Variants in USP15 observed in about 807,000 individuals in gnomAD.
The protein encoded by USP15 is ubiquitin carboxyl-terminal hydrolase 15.
A neutral mutation model predicts 127.1 loss-of-function variants in USP15; 18 were observed. The ratio of observed to expected loss-of-function variants is 0.14; its 90% CI spans 0.10 to 0.21. USP15 has a LOEUF of 0.21. Among genes scored for constraint, USP15 ranks in the 10% least tolerant of loss-of-function variants. The probability of loss-of-function intolerance (pLI) is 1.00; values close to 1 mark genes in which losing one functional copy is unlikely to be tolerated. For synonymous variants in USP15, 364 were observed against 393.7 expected, an observed-to-expected ratio of 0.92 and a Z score of 0.89; for missense variants, 805 against 1,159.9, an observed-to-expected ratio of 0.69 and a Z score of 4.44.
At chr12:62,371,362 G>A (rs1376627749) in intron 8 of USP15, among the ~76,000 whole-genome samples, 1 of 152,106 alleles carries the variant, frequency 6.6e-6, no homozygotes, top group Non-Finnish European at 1.5e-5. Context: ...TGAAAGCAGA[G>A]GCTATCTTTG....
At position 62,307,732 on chromosome 12, in the gene USP15, A is replaced by T. The variant is rs148895698; in HGVS notation, c.348+4812A>T. On this transcript the variant is annotated intron_variant, in intron 3 of 21. Transcript: ENST00000280377. ...CATGTCCTCCCCATGGACACTATAC[A>T]CTACCTTCCCGTTTGTCACTTAGTA... is the stretch of plus-strand genomic sequence containing the variant. Among the ~76,000 whole-genome samples the T allele has an allele frequency of 1.9e-3, 288 of 152,230 alleles. 3 individuals are homozygous for T. The highest frequency in any genetic ancestry group is 6.6e-3 in the African/African-American group (276 of 41,536).
At chr12:62,366,027 G>T (rs2066465295) in intron 8 of USP15, among the ~76,000 whole-genome samples, 1 of 152,162 alleles carries the variant, frequency 6.6e-6, no homozygotes, top group Admixed American at 6.5e-5. Flanking sequence ...GATTGTCTTG[G>T]CTATGCCGGC....
In USP15 at chr12:62,335,228, G is replaced by A; in HGVS notation, c.683+9295G>A. The A allele has an allele frequency of 2.0e-6, 3 of 1,535,262 alleles. No homozygotes were observed. The South Asian group carries it at 3.6e-5, about 18-fold the overall frequency. The stretch of plus-strand genomic sequence containing the variant: ...TTTCCACATACGTCACAGAAAGAGA[G>A]CTAAAGGGCTCTGGTTATCATCCAC... On this transcript the variant is annotated intron_variant, in intron 6 of 21. Coordinates refer to ENST00000280377, the MANE Select transcript of USP15 (RefSeq NM_001252078.2).
chr12:62,263,243 G>A lies in USP15; in HGVS notation c.89+2740G>A, dbSNP rs1460291682. ...GAAATTTGCCCTGTGGAATATTGTCGTGGCATATGTATGTAACTGTCTAGG... is the reference window on the plus strand; with the variant it reads ...GAAATTTGCCCTGTGGAATATTGTCATGGCATATGTATGTAACTGTCTAGG... On this transcript the variant is annotated intron_variant, in intron 1 of 21. Transcript: ENST00000280377. 5.3e-5 allele frequency among the ~76,000 whole-genome samples: 8 copies of A among 152,022 alleles called. No homozygotes were observed. In the South Asian group the frequency reaches 8.3e-4, roughly 16 times the overall value.
At chr12:62,396,135 T>A (rs1170252227) in intron 19 of USP15, 160 bp from the exon 20 acceptor site, 1 of 313,718 alleles carries the variant, frequency 3.2e-6, no homozygotes, top group Non-Finnish European at 5.7e-6. Flanking sequence ...ATTTGACTCA[T>A]GATAATTTCC....
At chr12:62,307,262 A>C (rs930138920) in intron 3 of USP15, among the ~76,000 whole-genome samples, 2 of 152,188 alleles carry the variant, frequency 1.3e-5, no homozygotes, top group African/African-American at 4.8e-5. Flanking sequence ...AACTTCAAGC[A>C]TGTGCTAATG....
At chr12:62,349,582 C>T (rs1479957823) in intron 7 of USP15, among the ~76,000 whole-genome samples, 1 of 151,906 alleles carries the variant, frequency 6.6e-6, no homozygotes, top group Non-Finnish European at 1.5e-5. Context: ...TAGAACACAA[C>T]TTTTTAGGAA....
At chr12:62,397,750 G>A (rs2067540395) in intron 20 of USP15, among the ~76,000 whole-genome samples, 2 of 150,948 alleles carry the variant, frequency 1.3e-5, no homozygotes, top group South Asian at 4.2e-4. Context: ...CCAGCCACTC[G>A]GGAGGCTGAG....
At chr12:62,318,980 C>T (rs142639009) in intron 4 of USP15, among the ~76,000 whole-genome samples, 93 of 152,088 alleles carry the variant, frequency 6.1e-4, no homozygotes, top group African/African-American at 2.2e-3. Context: ...AACCTAGTTT[C>T]CCACCTTTGA....
chr12:62,268,487 A>G lies in USP15; in HGVS notation c.89+7984A>G, dbSNP rs780304266. Among the ~76,000 whole-genome samples the G allele has an allele frequency of 3.3e-5, 5 of 152,122 alleles. No individual in the cohort carries two copies. In the East Asian group the frequency reaches 9.6e-4, roughly 29 times the overall value. On this transcript the variant is annotated intron_variant, in intron 1 of 21. Coordinates refer to ENST00000280377, the MANE Select transcript of USP15 (RefSeq NM_001252078.2). Reference sequence around the variant, plus strand: ...GTGAGTCTTCTTGTTTTAGCCTTGTAGTCTCAGCAGTCTCATTTCTAATTA... The same window carrying G: ...GTGAGTCTTCTTGTTTTAGCCTTGTGGTCTCAGCAGTCTCATTTCTAATTA...
At chr12:62,361,274 G>A (rs909884413) in intron 8 of USP15, among the ~76,000 whole-genome samples, 3 of 152,050 alleles carry the variant, frequency 2.0e-5, no homozygotes, top group African/African-American at 7.2e-5. Context: ...CTCAGATGGA[G>A]ACATGAGATT....
At chr12:62,397,304 A>G (rs1341647096) in intron 20 of USP15, among the ~76,000 whole-genome samples, 1 of 152,196 alleles carries the variant, frequency 6.6e-6, no homozygotes, top group African/African-American at 2.4e-5. Flanking sequence ...CTAGTACAAT[A>G]TAGGAATTAA....
intron 3 of USP15, 194 bp downstream of exon 3, chr12:62,303,114 T>A: frequency 1.9e-6 from 1 of 514,154 alleles, no homozygotes; most frequent in Non-Finnish European, 3.4e-6. Flanking sequence ...ATTGTAAGTA[T>A]GTATTATTGA....
intron 3 of USP15, chr12:62,304,841 A>T: frequency 3.5e-6 from 1 of 286,710 alleles, no homozygotes; most frequent in East Asian, 8.4e-5. Context: ...AAAAAAAAAA[A>T]AAAAGGCAGA....
At chr12:62,329,960 G>C (rs1020478803) in intron 6 of USP15, among the ~76,000 whole-genome samples, 5 of 152,186 alleles carry the variant, frequency 3.3e-5, no homozygotes, top group Admixed American at 1.3e-4. Flanking sequence ...TAGCTGCATA[G>C]TTTGTAGTAG....
chr12:62,291,854 G>A (rs1009367362), intron 1 of USP15, among the ~76,000 whole-genome samples: 8 of 152,204 alleles, frequency 5.3e-5, no homozygotes, highest in African/African-American at 1.9e-4. Context: ...ACAGCCTCCT[G>A]TAAGTCAGGG....
rs915804361 is a variant in USP15 at position 62,359,226 on chromosome 12, A to G, written c.915+3751A>G. ...GACTCTGAGGAACAGTTTGAAAGCCAAAGTCTGGCTTGAAAAAAAAAAAAA... is the reference window on the plus strand; with the variant it reads ...GACTCTGAGGAACAGTTTGAAAGCCGAAGTCTGGCTTGAAAAAAAAAAAAA... On this transcript the variant is annotated intron_variant, in intron 8 of 21. Coordinates refer to ENST00000280377, the MANE Select transcript of USP15 (RefSeq NM_001252078.2). Among the ~76,000 whole-genome samples the G allele has an allele frequency of 1.2e-3, 178 of 151,036 alleles. 5 individuals carry two copies. The highest frequency in any genetic ancestry group is 4.0e-4 in the Non-Finnish European group (27 of 67,784).
intron 1 of USP15, among the ~76,000 whole-genome samples, chr12:62,266,070 A>G (rs1012441386): frequency 6.6e-6 from 1 of 152,226 alleles, no homozygotes; most frequent in Non-Finnish European, 1.5e-5. Context: ...TGATAGGTGA[A>G]TAATTGAATG....
At chr12:62,394,663 C>G (rs1223606471) in intron 19 of USP15, among the ~76,000 whole-genome samples, 1 of 152,022 alleles carries the variant, frequency 6.6e-6, no homozygotes, top group South Asian at 2.1e-4. Context: ...TCCTAGCCAA[C>G]GTGGTGAAAC....
Sources: allele counts gnomAD v4.1 joint callset (sites outside exome capture counted in the v4.1 genomes callset), GRCh38; gene constraint gnomAD v4.1.1; transcripts MANE v1.5; gene names NCBI Gene and HGNC (gene_info 2026-07-23, HGNC 2026-07-21).